The following CRYL1 variants were observed in gnomAD, a reference collection of about 807,000 sequenced individuals.
CRYL1 encodes the protein lambda-crystallin homolog.
CRYL1 carries 29 observed loss-of-function variants against 36.6 expected under a neutral mutation model. That is an observed-to-expected ratio of 0.79 (90% confidence interval 0.59 to 1.08). The LOEUF (loss-of-function observed/expected upper bound fraction) is 1.08. CRYL1 is among the 50% of genes least tolerant of loss of function. The pLI is 0.00. For synonymous variants in CRYL1, 152 were observed against 151.5 expected, an observed-to-expected ratio of 1.00 and a Z score of -0.02; for missense variants, 411 against 407.9, an observed-to-expected ratio of 1.01 and a Z score of -0.06.
chr13:20,429,716 G>A (rs191488027), intron 5 of CRYL1, among the ~76,000 whole-genome samples: 2 of 152,286 alleles, frequency 1.3e-5, no homozygotes, highest in Admixed American at 6.5e-5. Context: ...ATGCTCAGGT[G>A]TGCATGTCAG....
rs923709566 is a variant in CRYL1 at position 20,520,386 on chromosome 13, T to C, written c.41+5368A>G. Reference sequence around the variant, plus strand: ...AATCATGAGGGAGGGAGCATGGTGCTTTGGTCTGGGGCTAATGCACCTGCC... The same window carrying C: ...AATCATGAGGGAGGGAGCATGGTGCCTTGGTCTGGGGCTAATGCACCTGCC... On this transcript the variant is annotated intron_variant, in intron 1 of 7. Transcript: ENST00000298248. Among the ~76,000 whole-genome samples the C allele has an allele frequency of 3.9e-5, 6 of 152,188 alleles. 1 individual carries two copies. The highest frequency in any genetic ancestry group is 6.3e-3 in the Middle Eastern group (2 of 316).
chr13:20,516,174 G>A (rs1287390035), intron 1 of CRYL1, among the ~76,000 whole-genome samples: 1 of 75,842 alleles, frequency 1.3e-5, no homozygotes, highest in Non-Finnish European at 2.3e-5. Context: ...CTGGGCGAAA[G>A]AGCAAAACTC....
intron 3 of CRYL1, among the ~76,000 whole-genome samples, chr13:20,448,600 AG>A (rs910520017): frequency 6.6e-6 from 1 of 152,242 alleles, no homozygotes; most frequent in African/African-American, 2.4e-5. Context: ...AGCAGAGGTA[AG>A]GTTTAATACA....
chr13:20,423,890 C>T (rs2031874999), intron 5 of CRYL1, among the ~76,000 whole-genome samples: 1 of 151,140 alleles, frequency 6.6e-6, no homozygotes, highest in Admixed American at 6.6e-5. Flanking sequence ...CCTGCCTCAG[C>T]CTCCCAAGTA....
At chr13:20,502,731 G>A (rs114916568) in intron 2 of CRYL1, among the ~76,000 whole-genome samples, 2,579 of 152,336 alleles carry the variant, frequency 0.017, 81 homozygotes, top group African/African-American at 0.057. Flanking sequence ...GAGACAGACA[G>A]GGGAGGAGAG....
At chr13:20,437,369 G>A (rs777298956) in intron 4 of CRYL1, among the ~76,000 whole-genome samples, 38 of 150,624 alleles carry the variant, frequency 2.5e-4, no homozygotes, top group Non-Finnish European at 5.0e-4. Flanking sequence ...GTGCAGTGGC[G>A]CGATCTCGGC....
chr13:20,416,326 T>A, intron 5 of CRYL1, among the ~76,000 whole-genome samples: 1 of 152,178 alleles, frequency 6.6e-6, no homozygotes, highest in East Asian at 1.9e-4. Context: ...GGTCGGGGCA[T>A]CACGGGGGCT....
In CRYL1 at chr13:20,525,239, C is replaced by G. The variant is rs775467060; in HGVS notation, c.41+515G>C. Reference sequence around the variant, plus strand: ...CTGCGGCCTCCAGCGACATCGTCGCCGACAGGACTGCGCTGGCACCCTCCC... The same window carrying G: ...CTGCGGCCTCCAGCGACATCGTCGCGGACAGGACTGCGCTGGCACCCTCCC... On this transcript the variant is annotated intron_variant, in intron 1 of 7. Transcript: ENST00000298248. The surrounding 1 kb of genome is among the most constrained non-coding windows in gnomAD (Gnocchi z 4.3). 3.9e-5 allele frequency among the ~76,000 whole-genome samples: 6 copies of G among 152,132 alleles called. No homozygotes were observed. Among genetic ancestry groups the G allele is most frequent in the Non-Finnish European group, 8.8e-5 (6 of 68,042 alleles).
intron 2 of CRYL1, among the ~76,000 whole-genome samples, chr13:20,505,380 A>AAAAAAAAAAAAAAAAAAAAC: frequency 6.9e-6 from 1 of 145,352 alleles, no homozygotes; most frequent in South Asian, 2.1e-4. Flanking sequence ...AAAAAAAAAA[A>AAAAAAAAAAAAAAAAAAAAC]AATCAGAATA....
chr13:20,522,911 C>T (rs1413942073), intron 1 of CRYL1, among the ~76,000 whole-genome samples: 24 of 82,952 alleles, frequency 2.9e-4, no homozygotes, highest in Middle Eastern at 0.016. Context: ...CCCATTTCTA[C>T]TTTTTTTTTT....
intron 5 of CRYL1, chr13:20,426,759 T>A (rs781254421): frequency 1.7e-4 from 165 of 985,256 alleles, no homozygotes; most frequent in Non-Finnish European, 1.9e-4. Context: ...CAATGTCTCC[T>A]AACAGTTGGC....
At chr13:20,477,967 G>A (rs555785106) in intron 3 of CRYL1, among the ~76,000 whole-genome samples, 8 of 134,906 alleles carry the variant, frequency 5.9e-5, no homozygotes, top group South Asian at 4.4e-4. Flanking sequence ...TATATATTAC[G>A]TAGTTATATA....
Position 20,403,999 on chromosome 13 carries a change from G to A in CRYL1, c.*130C>T. On this transcript the variant is annotated 3_prime_UTR_variant, in exon 8 of 8. Coordinates refer to ENST00000298248, the MANE Select transcript of CRYL1 (RefSeq NM_015974.3). ...TACCGGCCTGCACCACCCCACTCAGGCTGCACACAAGACAGCCAGCTTAGG... is the reference window on the plus strand; with the variant it reads ...TACCGGCCTGCACCACCCCACTCAGACTGCACACAAGACAGCCAGCTTAGG... The A allele has an allele frequency of 3.0e-6, 2 of 675,078 alleles. No homozygotes were observed. Among genetic ancestry groups the A allele is most frequent in the Non-Finnish European group, 5.2e-6 (2 of 381,402 alleles). 41.8% of individuals were successfully genotyped at this position (675,078 alleles called of 1,614,324 possible). A position where few individuals can be genotyped will look rare whatever the true frequency, so the allele number is the denominator to read the frequency against.
chr13:20,489,474 G>C lies in CRYL1; in HGVS notation c.172C>G (p.Gln58Glu). The C allele has an allele frequency of 6.2e-7, 1 of 1,613,296 alleles. No individual in the cohort carries two copies. The highest frequency in any genetic ancestry group is 1.1e-5 in the South Asian group (1 of 91,086). The change falls in exon 3 of 8, where the codon CAG (glutamine) becomes GAG (glutamate). Residue 58 changes from glutamine (Q) to glutamate (E), a missense_variant. Physicochemically the swap from Gln to Glu is conservative, Grantham distance 29. Coordinates refer to ENST00000298248, the MANE Select transcript of CRYL1 (RefSeq NM_015974.3). Reference sequence around the variant, plus strand: ...AGGGAGCCTTTCAGAGAACCTGCCTGCTCCAGCAACTTCATCTCCTTTCTG... The same window carrying C: ...AGGGAGCCTTTCAGAGAACCTGCCTCCTCCAGCAACTTCATCTCCTTTCTG... ...NIRKEMKLLEQAGSLKGSLSV... is the reference protein window; with the variant it reads ...NIRKEMKLLEEAGSLKGSLSV...
intron 3 of CRYL1, among the ~76,000 whole-genome samples, chr13:20,470,327 AGGCAGC>A (rs1285919125): frequency 6.6e-6 from 1 of 152,190 alleles, no homozygotes; most frequent in African/African-American, 2.4e-5. Context: ...CCCAGAATGC[AGGCAGC>A]GGCCGCTGCA....
rs2031298620 is a variant in CRYL1, at chr13:20,404,103, G to A, written c.*26C>T. The A allele has an allele frequency of 6.7e-7, 1 of 1,495,308 alleles. No homozygotes were observed. Among genetic ancestry groups the A allele is most frequent in the Non-Finnish European group, 9.3e-7 (1 of 1,071,616 alleles). 92.6% of individuals were successfully genotyped at this position (1,495,308 alleles called of 1,614,324 possible). On this transcript the variant is annotated 3_prime_UTR_variant, in exon 8 of 8. Coordinates refer to ENST00000298248, the MANE Select transcript of CRYL1 (RefSeq NM_015974.3). Reference sequence around the variant, plus strand: ...TTCCCAAATAGGGCCTCCAATGAGAGGAGTGGAAGCTGCATTACAAGAAAT... The same window carrying A: ...TTCCCAAATAGGGCCTCCAATGAGAAGAGTGGAAGCTGCATTACAAGAAAT...
chr13:20,471,803 CT>C (rs1422229304), intron 3 of CRYL1, among the ~76,000 whole-genome samples: 11 of 151,624 alleles, frequency 7.3e-5, no homozygotes, highest in Non-Finnish European at 1.5e-4. Flanking sequence ...TTCTTTCTTT[CT>C]TTCTCTCTTT....
At chr13:20,463,847 C>T (rs2032880360) in intron 3 of CRYL1, among the ~76,000 whole-genome samples, 1 of 152,020 alleles carries the variant, frequency 6.6e-6, no homozygotes, top group Non-Finnish European at 1.5e-5. Flanking sequence ...GTAGTAGTAC[C>T]GAAAACGCAC....
chr13:20,438,878 A>G (rs2032290336), intron 4 of CRYL1, among the ~76,000 whole-genome samples: 1 of 152,140 alleles, frequency 6.6e-6, no homozygotes, highest in South Asian at 2.1e-4. Flanking sequence ...CGTTCACTGA[A>G]TCTCCTCTCT....
Sources: gnomAD v4.1 joint callset for allele counts (sites outside exome capture counted in the v4.1 genomes callset) on GRCh38, gnomAD v4.1.1 for gene constraint, Gnocchi (gnomAD v3.1) non-coding constraint, MANE v1.5 for transcripts, NCBI Gene and HGNC (gene_info 2026-07-23, HGNC 2026-07-21) for gene names.